The following ARHGAP15 variants were observed in gnomAD, a reference collection of about 807,000 sequenced individuals.
ARHGAP15 encodes the protein rho GTPase-activating protein 15.
Under a neutral mutation model 63.7 loss-of-function variants are expected in ARHGAP15, and 51 were observed. The ratio of observed to expected loss-of-function variants is 0.80; its 90% CI spans 0.64 to 1.01. The LOEUF (loss-of-function observed/expected upper bound fraction) is 1.01. Ranked by LOEUF, ARHGAP15 falls within the 50% of genes least tolerant of loss-of-function variation. The pLI is 0.00. For missense variants in ARHGAP15, 560 were observed against 564.6 expected (o/e 0.99, Z 0.08); for synonymous variants, 191 against 193.8 (o/e 0.99, Z 0.12).
intron 6 of ARHGAP15, among the ~76,000 whole-genome samples, chr2:143,266,911 C>T (rs944273398): frequency 6.6e-6 from 1 of 152,104 alleles, no homozygotes; most frequent in African/African-American, 2.4e-5. Flanking sequence ...GCTTTGAGAA[C>T]AAATTTCTGT....
chr2:143,502,236 C>T (rs530445724), intron 9 of ARHGAP15, among the ~76,000 whole-genome samples: 52 of 151,964 alleles, frequency 3.4e-4, no homozygotes, highest in African/African-American at 1.2e-3. Context: ...TGATGAAACC[C>T]CATCTCCACT....
At chr2:143,631,755 GTTTTCCTTCTT>G (rs1035041491) in intron 12 of ARHGAP15, among the ~76,000 whole-genome samples, 11 of 152,050 alleles carry the variant, frequency 7.2e-5, no homozygotes, top group Middle Eastern at 3.4e-3. Context: ...CTATGGCTTT[GTTTTCCTTCTT>G]TTAACAGTGT....
At chr2:143,653,373 T>C (rs1681271391) in intron 12 of ARHGAP15, among the ~76,000 whole-genome samples, 1 of 152,136 alleles carries the variant, frequency 6.6e-6, no homozygotes, top group East Asian at 1.9e-4. Flanking sequence ...ATGCTGGCCC[T>C]AATTGAATGA....
intron 6 of ARHGAP15, among the ~76,000 whole-genome samples, chr2:143,356,980 G>GT (rs1175441434): frequency 6.6e-6 from 1 of 152,098 alleles, no homozygotes; most frequent in Non-Finnish European, 1.5e-5. Flanking sequence ...AATTCGTTTA[G>GT]TTTTTTTCTT....
chr2:143,160,079 T>C (rs1574028207), intron 2 of ARHGAP15, among the ~76,000 whole-genome samples: 3 of 152,030 alleles, frequency 2.0e-5, no homozygotes, highest in East Asian at 3.9e-4. Flanking sequence ...GCACACCCTG[T>C]AGATAACGGG....
At chr2:143,570,381 T>A (rs11889721) in intron 11 of ARHGAP15, among the ~76,000 whole-genome samples, 2 of 152,048 alleles carry the variant, frequency 1.3e-5, no homozygotes, top group African/African-American at 2.4e-5. Context: ...TATAATGTTA[T>A]ATATCACTAG....
chr2:143,441,653 C>T (rs1291847092), intron 8 of ARHGAP15, among the ~76,000 whole-genome samples: 1 of 152,070 alleles, frequency 6.6e-6, no homozygotes, highest in Non-Finnish European at 1.5e-5. Context: ...CTATCAATTG[C>T]TAAACTGTAA....
chr2:143,144,592 G>A (rs1019589988), intron 1 of ARHGAP15, among the ~76,000 whole-genome samples: 7 of 151,988 alleles, frequency 4.6e-5, no homozygotes, highest in African/African-American at 1.2e-4. Flanking sequence ...CTGGATGTTG[G>A]TCTGGTTGAC....
At position 143,703,492 on chromosome 2, in the gene ARHGAP15, C is replaced by T. The variant is rs1684186187; in HGVS notation, c.1212C>T (p.Asp404=). ...AAAAACTCCCTCCGCCAAATCGTGA[C>T]ACCATGAAAGTCCTCTTTGGACATC... ...LVQKLPPPNR[D]TMKVLFGHLT... The change falls in exon 13 of 14, where the codon GAC becomes GAT. Residue 404 remains aspartate (D), a synonymous_variant. Coordinates refer to ENST00000295095, the MANE Select transcript of ARHGAP15 (RefSeq NM_018460.4). 4 of 1,612,578 alleles carry T rather than the reference C, an allele frequency of 2.5e-6. No individual in the cohort carries two copies. Among genetic ancestry groups the T allele is most frequent in the Non-Finnish European group, 3.4e-6 (4 of 1,179,412 alleles).
chr2:143,153,815 CTTCTTCTTCTTCTTCTTCTTCT>C (rs1689943340), intron 1 of ARHGAP15, among the ~76,000 whole-genome samples: 7 of 80,028 alleles, frequency 8.7e-5, no homozygotes, highest in African/African-American at 1.3e-4. Context: ...TCTTCTTCTT[CTTCTTCTTCTTCTTCTTCTTCT>C]TCTTCTTCCT....
chr2:143,239,065 T>G (rs1275146288), intron 5 of ARHGAP15, among the ~76,000 whole-genome samples: 1 of 152,104 alleles, frequency 6.6e-6, no homozygotes, highest in Non-Finnish European at 1.5e-5. Context: ...TCAGGAAGAA[T>G]AGCTAATAGA....
At chr2:143,475,979 G>A (rs371132762) in intron 8 of ARHGAP15, among the ~76,000 whole-genome samples, 9 of 152,272 alleles carry the variant, frequency 5.9e-5, no homozygotes, top group African/African-American at 2.2e-4. Context: ...AAGCATTGTT[G>A]GAGTTAACCA....
chr2:143,336,085 C>T (rs1238350021), intron 6 of ARHGAP15, among the ~76,000 whole-genome samples: 1 of 152,088 alleles, frequency 6.6e-6, no homozygotes, highest in East Asian at 1.9e-4. Flanking sequence ...ACGGCAGCCT[C>T]GACCTCCCAG....
At chr2:143,216,207 C>T (rs1031690333) in intron 3 of ARHGAP15, among the ~76,000 whole-genome samples, 177 bp from the exon 4 acceptor site, 1 of 152,176 alleles carries the variant, frequency 6.6e-6, no homozygotes, top group African/African-American at 2.4e-5. Context: ...AGATATTTAA[C>T]AGCTTGTAAT....
At chr2:143,168,358 T>C (rs565734827) in intron 2 of ARHGAP15, among the ~76,000 whole-genome samples, 47 of 152,060 alleles carry the variant, frequency 3.1e-4, no homozygotes, top group African/African-American at 1.1e-3. Context: ...TCAAGTTTTT[T>C]TGTAGAAACG....
intron 6 of ARHGAP15, among the ~76,000 whole-genome samples, chr2:143,428,619 A>C (rs1689235698): frequency 6.6e-6 from 1 of 152,098 alleles, no homozygotes; most frequent in African/African-American, 2.4e-5. Context: ...TATACATGAT[A>C]TTTTCATTAA....
At chr2:143,530,064 T>A (rs542302827) in intron 10 of ARHGAP15, among the ~76,000 whole-genome samples, 2 of 152,298 alleles carry the variant, frequency 1.3e-5, no homozygotes, top group South Asian at 4.1e-4. Flanking sequence ...GCTTTCTGTT[T>A]ATCCACTCAT....
intron 2 of ARHGAP15, among the ~76,000 whole-genome samples, chr2:143,166,068 A>AAAAT (rs879755118): frequency 1.3e-5 from 2 of 151,168 alleles, no homozygotes; most frequent in Non-Finnish European, 3.0e-5. Flanking sequence ...AAAGAAAAAA[A>AAAAT]ATATCTTCTT....
At chr2:143,673,746 GTGTGTGTGTGTGTATATATA>G (rs1489400532) in intron 12 of ARHGAP15, among the ~76,000 whole-genome samples, 4 of 29,712 alleles carry the variant, frequency 1.3e-4, no homozygotes, top group East Asian at 1.9e-3. Flanking sequence ...GTGTGTGTGT[GTGTGTGTGTGTGTATATATA>G]TATATATATA....
Sources: allele counts gnomAD v4.1 joint callset (sites outside exome capture counted in the v4.1 genomes callset), GRCh38; gene constraint gnomAD v4.1.1; transcripts MANE v1.5; gene names NCBI Gene and HGNC (gene_info 2026-07-23, HGNC 2026-07-21).